MATN1: variants seen among roughly 807,000 people sequenced by gnomAD.
MATN1 encodes matrilin-1.
Under a neutral mutation model 41.3 loss-of-function variants are expected in MATN1, and 34 were observed. The ratio of observed to expected loss-of-function variants is 0.82; its 90% CI spans 0.63 to 1.10. The LOEUF is 1.10. Ranked by LOEUF, MATN1 falls within the 50% of genes least tolerant of loss-of-function variation. The pLI, the probability that MATN1 is intolerant of heterozygous loss-of-function variation, is 0.00. For missense variants in MATN1, 602 were observed against 662.4 expected, an observed-to-expected ratio of 0.91 and a Z score of 1.00; for synonymous variants, 264 against 278.7, an observed-to-expected ratio of 0.95 and a Z score of 0.53.
intron 3 of MATN1, 178 bp downstream of exon 3, chr1:30,718,557 T>G: frequency 8.4e-6 from 1 of 119,236 alleles, no homozygotes; most frequent in Non-Finnish European, 1.5e-5. Context: ...GCCCCGGCAC[T>G]GACATTCTAT....
chr1:30,715,776 C>T, intron 5 of MATN1, 133 bp downstream of exon 5: 2 of 873,662 alleles, frequency 2.3e-6, no homozygotes, highest in South Asian at 1.8e-5. Context: ...TTGGACTAAC[C>T]AATCCTCCTC....
chr1:30,722,658 C>T (rs973224029), intron 1 of MATN1, among the ~76,000 whole-genome samples: 1 of 152,222 alleles, frequency 6.6e-6, no homozygotes, highest in African/African-American at 2.4e-5. Flanking sequence ...ACTACAAAGG[C>T]CCTTCCCTCC....
chr1:30,716,509 A>G (rs1281526912), intron 4 of MATN1, among the ~76,000 whole-genome samples, 184 bp from the exon 5 acceptor site: 1 of 152,234 alleles, frequency 6.6e-6, no homozygotes, highest in Non-Finnish European at 1.5e-5. Flanking sequence ...TGAAACTCCA[A>G]TAGCTGTGAG....
chr1:30,716,219 A>G lies in MATN1; in HGVS notation c.897T>C (p.Ser299=), dbSNP rs1446333418. The change falls in exon 5 of 8, where the codon AGT becomes AGC. Residue 299 remains serine (S), a synonymous_variant. Transcript: ENST00000373765. ...ENFELVKKFI[S]QIVDTLDVSD... ...ACACGTCCAGCGTATCCACGATCTG[A>G]CTGATGAACTTCTTCACCAGCTCAA... is the stretch of plus-strand genomic sequence containing the variant. The G allele has an allele frequency of 6.2e-7, 1 of 1,614,126 alleles. No individual in the cohort carries two copies.
At chr1:30,716,362 G>T in intron 4 of MATN1, 37 bp from the exon 5 acceptor site, 2 of 1,594,212 alleles carry the variant, frequency 1.3e-6, no homozygotes, top group Non-Finnish European at 1.7e-6. Context: ...TGAAGCTGAA[G>T]GACATAGTCA....
chr1:30,719,416 AG>A (rs1639669861), intron 2 of MATN1: 1 of 162,312 alleles, frequency 6.2e-6, no homozygotes, highest in African/African-American at 2.4e-5. Context: ...GCCGAAGCTA[AG>A]GGATGGGGCT....
intron 1 of MATN1, among the ~76,000 whole-genome samples, chr1:30,722,590 T>C (rs1639711225): frequency 6.6e-6 from 1 of 152,206 alleles, no homozygotes; most frequent in Non-Finnish European, 1.5e-5. Context: ...ATCTCACATG[T>C]CCAGTGGAGA....
At position 30,712,941 on chromosome 1, in the gene MATN1, C is replaced by G. The variant is rs925457551; in HGVS notation, c.*641G>C. The G allele has an allele frequency of 6.6e-6, 1 of 152,300 alleles. No individual in the cohort carries two copies. Among genetic ancestry groups the G allele is most frequent in the African/African-American group, 2.4e-5 (1 of 41,434 alleles). The allele number at this position is 152,300 out of a possible 1,614,324, so 9.4% of individuals were successfully genotyped here. On this transcript the variant is annotated 3_prime_UTR_variant, in exon 8 of 8. Transcript: ENST00000373765. Reference sequence around the variant, plus strand: ...CATTTGTAATGGGGATAATTTGAGTCTTTTCTGGGTAAGGTTACTGGAAGT... The same window carrying G: ...CATTTGTAATGGGGATAATTTGAGTGTTTTCTGGGTAAGGTTACTGGAAGT...
rs537815563 is a variant in MATN1 at position 30,717,649 on chromosome 1, T to G, written c.665-734A>C. On this transcript the variant is annotated intron_variant, in intron 3 of 7. Coordinates refer to ENST00000373765, the MANE Select transcript of MATN1 (RefSeq NM_002379.3). ...TTGTTTTTTGTGTGTGCGGTTTTTT[T>G]TTTTGTTTTGTTTTTTTTTTGAGAC... Among the ~76,000 whole-genome samples, 87 of 119,510 alleles carry G rather than the reference T, an allele frequency of 7.3e-4. 4 individuals are homozygous for G. The East Asian group carries it at 7.8e-3, about 11-fold the overall frequency. 78.4% of individuals were successfully genotyped at this position (119,510 alleles called of 152,430 possible).
chr1:30,723,332 C>A, intron 1 of MATN1, 126 bp downstream of exon 1: 1 of 681,050 alleles, frequency 1.5e-6, no homozygotes. Context: ...CTGCCCACCA[C>A]TGCCGCCCTG....
At chr1:30,719,038 G>C in intron 2 of MATN1, 81 bp from the exon 3 acceptor site, 1 of 1,144,070 alleles carries the variant, frequency 8.7e-7, no homozygotes, top group Non-Finnish European at 1.2e-6. Context: ...GGCCCGGAGA[G>C]GCGGGAGGAC....
At position 30,712,635 on chromosome 1, in the gene MATN1, G is replaced by A. The variant is rs1639561274; in HGVS notation, c.*947C>T. On this transcript the variant is annotated 3_prime_UTR_variant, in exon 8 of 8. Coordinates refer to ENST00000373765, the MANE Select transcript of MATN1 (RefSeq NM_002379.3). ...TGGCTGGTCCCTCTGGCTGGTGGGG[G>A]TGACATGAGCACCCTGCTCAACTGT... is the stretch of plus-strand genomic sequence containing the variant. 6.6e-6 allele frequency: 1 copy of A among 152,356 alleles called. No homozygotes were observed. The highest frequency in any genetic ancestry group is 1.5e-5 in the Non-Finnish European group (1 of 68,212). The allele number at this position is 152,356 out of a possible 1,614,324, so 9.4% of individuals were successfully genotyped here.
intron 3 of MATN1, 28 bp from the exon 4 acceptor site, chr1:30,716,943 T>C: frequency 6.2e-7 from 1 of 1,601,052 alleles, no homozygotes; most frequent in Non-Finnish European, 8.5e-7. Context: ...AGCTCAGATC[T>C]CACAGTCATA....
In MATN1 at chr1:30,717,642, G is replaced by GTTTTTTTTTTTTTTTTTTTTT. The variant is rs751915676; in HGVS notation, c.665-728_665-727insAAAAAAAAAAAAAAAAAAAAA. On this transcript the variant is annotated intron_variant, in intron 3 of 7. Coordinates refer to ENST00000373765, the MANE Select transcript of MATN1 (RefSeq NM_002379.3). ...GGCTCTGTTGTTTTTTGTGTGTGCG[G>GTTTTTTTTTTTTTTTTTTTTT]TTTTTTTTTTTGTTTTGTTTTTTTT... is the stretch of plus-strand genomic sequence containing the variant. Among the ~76,000 whole-genome samples, 6 of 109,992 alleles carry GTTTTTTTTTTTTTTTTTTTTT rather than the reference G, an allele frequency of 5.5e-5. 3 individuals carry two copies. The highest frequency in any genetic ancestry group is 8.7e-5 in the African/African-American group (2 of 23,010). The allele number at this position is 109,992 out of a possible 152,430, so 72.2% of individuals were successfully genotyped here.
At position 30,711,675 on chromosome 1, in the gene MATN1, T is replaced by G. The variant is rs1639544704; in HGVS notation, c.*1907A>C. ...CCACTCATCAGGGACATCTGTTGCT[T>G]CTGCCCGCCAGCTCCCAGGCCATGG... On this transcript the variant is annotated 3_prime_UTR_variant, in exon 8 of 8. Transcript: ENST00000373765. The G allele has an allele frequency of 6.6e-6, 1 of 152,422 alleles. No individual in the cohort carries two copies. The highest frequency in any genetic ancestry group is 2.1e-4 in the South Asian group (1 of 4,826). The allele number at this position is 152,422 out of a possible 1,614,324, so 9.4% of individuals were successfully genotyped here.
At chr1:30,717,656 T>TTG (rs1553124437) in intron 3 of MATN1, among the ~76,000 whole-genome samples, 6 of 142,924 alleles carry the variant, frequency 4.2e-5, no homozygotes, top group African/African-American at 1.6e-4. Context: ...TTTTTTTTGT[T>TTG]TTGTTTTTTT....
intron 7 of MATN1, 122 bp downstream of exon 7, chr1:30,714,125 C>T (rs1024269821): frequency 6.6e-6 from 5 of 758,598 alleles, no homozygotes; most frequent in Non-Finnish European, 8.9e-6. Context: ...AGAATGCAGC[C>T]CATCAGCAGT....
Position 30,716,147 on chromosome 1 carries a change from C to T in MATN1, c.969G>A (p.Val323=), listed in dbSNP as rs767527868. Residue 323 remains valine (V), a synonymous_variant, in exon 5 of 8, where the codon GTG becomes GTA. Coordinates refer to ENST00000373765, the MANE Select transcript of MATN1 (RefSeq NM_002379.3). Reference sequence around the variant, plus strand: ...AGCGACCCAGGGGGAACTCCTGGCGCACAGAGCTTGAGTACTGCACCAGCC... The same window carrying T: ...AGCGACCCAGGGGGAACTCCTGGCGTACAGAGCTTGAGTACTGCACCAGCC... The part of the protein sequence containing the change: ...QVGLVQYSSS[V]RQEFPLGRFH... 4 of 1,614,206 alleles carry T rather than the reference C, an allele frequency of 2.5e-6. No individual in the cohort carries two copies. Among genetic ancestry groups the T allele is most frequent in the Admixed American group, 1.7e-5 (1 of 60,026 alleles).
chr1:30,716,278 T>C lies in MATN1; in HGVS notation c.838A>G (p.Ile280Val), dbSNP rs778071349. Residue 280 changes from isoleucine to valine, a missense_variant, in exon 5 of 8, where the codon ATT becomes GTT. Physicochemically the swap from Ile to Val is conservative, Grantham distance 29. Transcript: ENST00000373765. ...GSSATDLVFL[I>V]DGSKSVRPEN... ...GGCCTCACACTCTTGGATCCGTCAA[T>C]GAGGAAGACCAGGTCAGTGGCCGAG... 6.2e-7 allele frequency: 1 copy of C among 1,614,122 alleles called. No homozygotes were observed. The highest frequency in any genetic ancestry group is 8.5e-7 in the Non-Finnish European group (1 of 1,180,026).
Sources: allele counts gnomAD v4.1 joint callset (sites outside exome capture counted in the v4.1 genomes callset), GRCh38; gene constraint gnomAD v4.1.1; transcripts MANE v1.5; gene names NCBI Gene and HGNC (gene_info 2026-07-23, HGNC 2026-07-21).